HSF1: variants seen among roughly 807,000 people sequenced by gnomAD.
HSF1 encodes heat shock factor protein 1.
In HSF1, 32 loss-of-function variants were observed where a neutral mutation model predicts 51.7. The ratio of observed to expected loss-of-function variants is 0.62; its 90% CI spans 0.47 to 0.83. HSF1 has a LOEUF of 0.83. HSF1 is among the 40% of genes least tolerant of loss of function. The pLI is 0.00. For synonymous variants in HSF1, 396 were observed against 309.7 expected (o/e 1.28, Z -2.92); for missense variants, 727 against 717.0 (o/e 1.01, Z -0.16).
At chr8:144,308,694 T>C (rs1207926109) in intron 1 of HSF1, among the ~76,000 whole-genome samples, 2 of 152,324 alleles carry the variant, frequency 1.3e-5, no homozygotes, top group African/African-American at 4.8e-5. Flanking sequence ...ACAGTGAGGA[T>C]GCAGGTCACG....
At chr8:144,299,903 C>T (rs1015008258) in intron 1 of HSF1, among the ~76,000 whole-genome samples, 1 of 151,906 alleles carries the variant, frequency 6.6e-6, no homozygotes, top group Non-Finnish European at 1.5e-5. Flanking sequence ...AGCGAGACCC[C>T]GTCTCAAAAA....
chr8:144,302,955 G>A (rs1441460832), intron 1 of HSF1, among the ~76,000 whole-genome samples: 4 of 152,108 alleles, frequency 2.6e-5, no homozygotes, highest in South Asian at 2.1e-4. Flanking sequence ...AAACCGCAGC[G>A]ACAGCGACTA....
chr8:144,293,763 A>G (rs1815268940), intron 1 of HSF1, among the ~76,000 whole-genome samples: 1 of 149,986 alleles, frequency 6.7e-6, no homozygotes, highest in East Asian at 2.0e-4. Context: ...ATTCCCCTTA[A>G]TCCTCAGAAG....
At chr8:144,310,116 G>A (rs1816519793) in intron 4 of HSF1, 2 of 572,302 alleles carry the variant, frequency 3.5e-6, no homozygotes, top group East Asian at 3.0e-5. Flanking sequence ...GGGTTGGGAG[G>A]GTCCCCTGCT....
Position 144,314,671 on chromosome 8 carries a change from G to A in HSF1, c.*341G>A, listed in dbSNP as rs868943407. 17 of 314,478 alleles carry A rather than the reference G, an allele frequency of 5.4e-5. No homozygotes were observed. The highest frequency in any genetic ancestry group is 2.1e-4 in the African/African-American group (10 of 48,276). 19.5% of individuals were successfully genotyped at this position (314,478 alleles called of 1,614,324 possible). A position where few individuals can be genotyped will look rare whatever the true frequency, so the allele number is the denominator to read the frequency against. On this transcript the variant is annotated 3_prime_UTR_variant, in exon 13 of 13. Transcript: ENST00000528838. ...AGATACACAGATATATACACACAGT[G>A]GATGGACGGACAAGACAGGCAGAGA...
intron 6 of HSF1, 57 bp from the exon 7 acceptor site, chr8:144,311,448 T>C: frequency 6.2e-7 from 1 of 1,612,530 alleles, no homozygotes; most frequent in Non-Finnish European, 8.5e-7. Context: ...CTCTGTCAGC[T>C]GTGCCCCGGG....
At chr8:144,311,127 G>A in intron 4 of HSF1, 47 bp from the exon 5 acceptor site, 1 of 1,540,078 alleles carries the variant, frequency 6.5e-7, no homozygotes, top group East Asian at 2.4e-5. Flanking sequence ...CCTCAGCCCT[G>A]GGGCTCATGG....
Position 144,314,565 on chromosome 8 carries a change from C to G in HSF1, c.*235C>G. The G allele has an allele frequency of 5.2e-6, 3 of 574,680 alleles. No individual in the cohort carries two copies. Among genetic ancestry groups the G allele is most frequent in the Middle Eastern group, 4.7e-4 (1 of 2,146 alleles). The allele number at this position is 574,680 out of a possible 1,614,324, so 35.6% of individuals were successfully genotyped here. A position where few individuals can be genotyped will look rare whatever the true frequency, so the allele number is the denominator to read the frequency against. On this transcript the variant is annotated 3_prime_UTR_variant, in exon 13 of 13. Transcript: ENST00000528838. ...GTTTGGTTGGGGCTTCACAGCCACA[C>G]CTGGACTGACCCTGCAGGTTGTTCA...
chr8:144,314,189 C>T lies in HSF1; in HGVS notation c.1449C>T (p.Thr483=), dbSNP rs1817062571. 23 of 1,549,862 alleles carry T rather than the reference C, an allele frequency of 1.5e-5. No individual in the cohort carries two copies. The highest frequency in any genetic ancestry group is 2.0e-5 in the Non-Finnish European group (23 of 1,146,830). The change falls in exon 13 of 13, where the codon ACC becomes ACT. Residue 483 remains threonine (T), a synonymous_variant. Coordinates refer to ENST00000528838, the MANE Select transcript of HSF1 (RefSeq NM_005526.4). ...TGCTGGACCCCGGCTCCGTGGACAC[C>T]GGGAGCAACGACCTGCCGGTGCTGT... ...LFLLDPGSVD[T]GSNDLPVLFE...
Position 144,312,777 on chromosome 8 carries a change from G to A in HSF1, c.1142+533G>A, listed in dbSNP as rs952682985. The A allele has an allele frequency of 1.6e-5, 23 of 1,403,648 alleles. No individual in the cohort carries two copies. In the East Asian group the frequency reaches 2.5e-4, roughly 15 times the overall value. The allele number at this position is 1,403,648 out of a possible 1,614,324, so 86.9% of individuals were successfully genotyped here. On this transcript the variant is annotated intron_variant, in intron 9 of 12. Coordinates refer to ENST00000528838, the MANE Select transcript of HSF1 (RefSeq NM_005526.4). ...AGCGCTCGGGCCCTCCCACACAGCC[G>A]TGGACCAGACCCAGCCTGGCCGGGC... is the stretch of plus-strand genomic sequence containing the variant.
Position 144,312,047 on chromosome 8 carries a change from C to A in HSF1, c.945C>A (p.Pro315=). ...GCCCCCGGGTAGAGGAGGCGAGTCCCGGGCGCCCATCTTCCGTGGACACCC... is the reference window on the plus strand; with the variant it reads ...GCCCCCGGGTAGAGGAGGCGAGTCCAGGGCGCCCATCTTCCGTGGACACCC... ...PQSPRVEEAS[P]GRPSSVDTLL... The change falls in exon 9 of 13, where the codon CCC becomes CCA. Residue 315 remains proline, a synonymous_variant. Coordinates refer to ENST00000528838, the MANE Select transcript of HSF1 (RefSeq NM_005526.4). The A allele has an allele frequency of 6.2e-7, 1 of 1,611,646 alleles. No individual in the cohort carries two copies. The highest frequency in any genetic ancestry group is 2.2e-5 in the East Asian group (1 of 44,840).
At position 144,311,600 on chromosome 8, in the gene HSF1, C is replaced by T. The variant is rs782402971; in HGVS notation, c.722C>T (p.Ser241Leu). Residue 241 changes from serine (S) to leucine (L), a missense_variant and splice_region_variant, in exon 7 of 13, where the codon TCG becomes TTG. Physicochemically the swap from Ser to Leu is moderately radical, Grantham distance 145. Around this residue, in one of 2 missense-constraint regions of HSF1, gnomAD observed 470 missense variants for 398.8 expected, o/e 1.18. Coordinates refer to ENST00000528838, the MANE Select transcript of HSF1 (RefSeq NM_005526.4). ...CACGTCCACGGCTCGGGCCCCTACT[C>T]GGTGAGTGCCGGAGACAGGGCACCC... ...LEHVHGSGPY[S>L]APSPAYSSSS... The T allele has an allele frequency of 3.1e-6, 5 of 1,613,306 alleles. No homozygotes were observed. Among genetic ancestry groups the T allele is most frequent in the South Asian group, 1.1e-5 (1 of 91,082 alleles).
Position 144,312,034 on chromosome 8 carries a change from A to G in HSF1, c.932A>G (p.Glu311Gly), listed in dbSNP as rs1358293368. The G allele has an allele frequency of 1.9e-6, 3 of 1,607,948 alleles. No individual in the cohort carries two copies. The highest frequency in any genetic ancestry group is 2.5e-6 in the Non-Finnish European group (3 of 1,176,652). ...AGCCCGCCTCAGAGCCCCCGGGTAG[A>G]GGAGGCGAGTCCCGGGCGCCCATCT... ...PPSPPQSPRVEEASPGRPSSV... is the reference protein window; with the variant it reads ...PPSPPQSPRVGEASPGRPSSV... Residue 311 changes from glutamate to glycine, a missense_variant, in exon 9 of 13, where the codon GAG becomes GGG. By Grantham distance (98) the Glu-to-Gly change is moderately conservative. Coordinates refer to ENST00000528838, the MANE Select transcript of HSF1 (RefSeq NM_005526.4).
At chr8:144,301,214 T>G (rs1042332361) in intron 1 of HSF1, among the ~76,000 whole-genome samples, 7 of 149,870 alleles carry the variant, frequency 4.7e-5, no homozygotes, top group Non-Finnish European at 1.0e-4. Context: ...AGCCCAGGAG[T>G]TCAAGACCAG....
In HSF1 at chr8:144,312,159, G is replaced by A. The variant is rs1554844945; in HGVS notation, c.1057G>A (p.Gly353Ser). 3.7e-6 allele frequency: 6 copies of A among 1,610,822 alleles called. No individual in the cohort carries two copies. The highest frequency in any genetic ancestry group is 3.3e-5 in the South Asian group (3 of 91,068). The change falls in exon 9 of 13, where the codon GGC (glycine) becomes AGC (serine). Residue 353 changes from glycine to serine, a missense_variant. Gly to Ser is a moderately conservative substitution (Grantham distance 56). Around this residue, in one of 2 missense-constraint regions of HSF1, gnomAD observed 470 missense variants for 398.8 expected, o/e 1.18. Coordinates refer to ENST00000528838, the MANE Select transcript of HSF1 (RefSeq NM_005526.4). ...ASVTALTDAR[G>S]HTDTEGRPPS... ...CGTCACAGCCCTCACGGACGCCAGG[G>A]GCCACACGGACACCGAGGGCCGGCC...
chr8:144,312,500 C>G (rs956468224), intron 9 of HSF1: 20 of 882,646 alleles, frequency 2.3e-5, no homozygotes, highest in Middle Eastern at 4.6e-4. Context: ...TGCCGCCACC[C>G]TCGCCACAGG....
At position 144,300,278 on chromosome 8, in the gene HSF1, A is replaced by G. The variant is rs1485134277; in HGVS notation, c.117+8404A>G. ...TGTTGCCAGGCTGGAGTGCAGTGGC[A>G]CAATCTCGGCTCACTGCAACCTCCA... On this transcript the variant is annotated intron_variant, in intron 1 of 12. Coordinates refer to ENST00000528838, the MANE Select transcript of HSF1 (RefSeq NM_005526.4). Among the ~76,000 whole-genome samples, 3 of 134,432 alleles carry G rather than the reference A, an allele frequency of 2.2e-5. No homozygotes were observed. The Admixed American group carries it at 2.7e-4, about 12-fold the overall frequency. The allele number at this position is 134,432 out of a possible 152,430, so 88.2% of individuals were successfully genotyped here. A position where few individuals can be genotyped will look rare whatever the true frequency, so the allele number is the denominator to read the frequency against.
chr8:144,314,631 T>G lies in HSF1; in HGVS notation c.*301T>G. The G allele has an allele frequency of 9.0e-6, 4 of 444,068 alleles. No homozygotes were observed. The highest frequency in any genetic ancestry group is 3.9e-5 in the East Asian group (1 of 25,966). The allele number at this position is 444,068 out of a possible 1,614,324, so 27.5% of individuals were successfully genotyped here. On this transcript the variant is annotated 3_prime_UTR_variant, in exon 13 of 13. Coordinates refer to ENST00000528838, the MANE Select transcript of HSF1 (RefSeq NM_005526.4). ...TTTGGATTTTTACACAACTGTCCCG[T>G]TCCCCGCTCCACAGAGATACACAGA...
In HSF1 at chr8:144,301,676, C is replaced by T. The variant is rs371331096; in HGVS notation, c.118-7230C>T. Among the ~76,000 whole-genome samples, 40 of 151,914 alleles carry T rather than the reference C, an allele frequency of 2.6e-4. No homozygotes were observed. In the South Asian group the frequency reaches 6.2e-3, roughly 24 times the overall value. ...GGTCAGGAGGTCGAGACCATCCTGGCTAATACAGTGAAACCCCGTCTCTAT... is the reference window on the plus strand; with the variant it reads ...GGTCAGGAGGTCGAGACCATCCTGGTTAATACAGTGAAACCCCGTCTCTAT... On this transcript the variant is annotated intron_variant, in intron 1 of 12. Coordinates refer to ENST00000528838, the MANE Select transcript of HSF1 (RefSeq NM_005526.4).
Sources: allele counts gnomAD v4.1 joint callset (sites outside exome capture counted in the v4.1 genomes callset), GRCh38; gene constraint gnomAD v4.1.1; regional missense constraint gnomAD v4.1.1; transcripts MANE v1.5; gene names NCBI Gene and HGNC (gene_info 2026-07-23, HGNC 2026-07-21).